The following EPS15L1 variants were observed in gnomAD, a reference collection of about 807,000 sequenced individuals.
EPS15L1 encodes the protein epidermal growth factor receptor pathway substrate 15 like 1.
EPS15L1 carries 43 observed loss-of-function variants against 117.1 expected under a neutral mutation model. The observed-to-expected ratio is 0.37, with a 90% CI of 0.29 to 0.47. The LOEUF (loss-of-function observed/expected upper bound fraction) is 0.47. EPS15L1 is among the 20% of genes least tolerant of loss of function. The pLI is 0.99. For missense variants in EPS15L1, 981 were observed against 1,164.0 expected (o/e 0.84, Z 2.29); for synonymous variants, 459 against 470.5 (o/e 0.98, Z 0.32).
intron 1 of EPS15L1, among the ~76,000 whole-genome samples, chr19:16,460,975 ATATAAAAT>A (rs2093243649): frequency 1.3e-5 from 2 of 152,184 alleles, no homozygotes; most frequent in African/African-American, 4.8e-5. Context: ...CCACTGGAAA[ATATAAAAT>A]TGAAAAGCAC....
intron 1 of EPS15L1, among the ~76,000 whole-genome samples, chr19:16,442,566 A>G (rs2093043032): frequency 6.6e-6 from 1 of 152,180 alleles, no homozygotes; most frequent in Admixed American, 6.5e-5. Context: ...AGGACACTCT[A>G]TCCTCTGAGA....
intron 8 of EPS15L1, among the ~76,000 whole-genome samples, 154 bp downstream of exon 8, chr19:16,428,543 GACAGA>G (rs374317214): frequency 0.087 from 12,256 of 140,092 alleles, 706 homozygotes; most frequent in Non-Finnish European, 0.12. Flanking sequence ...AAGGAAGAAA[GACAGA>G]AAAGAAAGGA....
chr19:16,412,283 C>T (rs145351677), intron 13 of EPS15L1, among the ~76,000 whole-genome samples: 4 of 151,912 alleles, frequency 2.6e-5, no homozygotes, highest in Admixed American at 2.0e-4. Flanking sequence ...AGGCAGATCA[C>T]GAGGTCAGGA....
chr19:16,459,235 G>A (rs1356896423), intron 1 of EPS15L1, among the ~76,000 whole-genome samples: 1 of 152,168 alleles, frequency 6.6e-6, no homozygotes, highest in Non-Finnish European at 1.5e-5. Flanking sequence ...GCAGGCCAAC[G>A]CCCTGCTCTA....
At chr19:16,356,478 A>AT (rs1337267054) in intron 23 of EPS15L1, 2 of 152,416 alleles carry the variant, frequency 1.3e-5, no homozygotes, top group Non-Finnish European at 2.9e-5. Context: ...TGCCCAGCTA[A>AT]TTTTTGTATG....
At chr19:16,373,336 G>A (rs938739341) in intron 22 of EPS15L1, among the ~76,000 whole-genome samples, 8 of 152,130 alleles carry the variant, frequency 5.3e-5, no homozygotes, top group Admixed American at 3.3e-4. Context: ...AGGGGAAGGC[G>A]GCCGTCACTG....
chr19:16,416,365 G>C (rs1003177500), intron 12 of EPS15L1, among the ~76,000 whole-genome samples: 1 of 152,154 alleles, frequency 6.6e-6, no homozygotes, highest in Non-Finnish European at 1.5e-5. Flanking sequence ...GGCTGGCACA[G>C]TGGCTCACGC....
At chr19:16,456,359 A>G (rs559150340) in intron 1 of EPS15L1, among the ~76,000 whole-genome samples, 42 of 152,328 alleles carry the variant, frequency 2.8e-4, no homozygotes, top group Non-Finnish European at 5.9e-4. Context: ...TGTGTAGGAC[A>G]GAGTCCTGGG....
intron 22 of EPS15L1, among the ~76,000 whole-genome samples, chr19:16,374,949 T>A (rs1346071533): frequency 6.6e-6 from 1 of 152,230 alleles, no homozygotes; most frequent in Non-Finnish European, 1.5e-5. Context: ...TGTTCACATG[T>A]GAATATGTGC....
At chr19:16,414,384 G>A (rs942639765) in intron 12 of EPS15L1, among the ~76,000 whole-genome samples, 28 of 152,208 alleles carry the variant, frequency 1.8e-4, no homozygotes, top group Middle Eastern at 3.4e-3. Context: ...GGACAGCCCA[G>A]GACAGCCTGT....
chr19:16,457,150 A>G (rs1244186813), intron 1 of EPS15L1, among the ~76,000 whole-genome samples: 1 of 152,190 alleles, frequency 6.6e-6, no homozygotes, highest in Non-Finnish European at 1.5e-5. Flanking sequence ...GAAGGAGGAC[A>G]TGCCAGTTCC....
intron 1 of EPS15L1, among the ~76,000 whole-genome samples, chr19:16,466,841 T>G (rs1173604733): frequency 6.6e-6 from 1 of 150,482 alleles, no homozygotes; most frequent in African/African-American, 2.5e-5. Context: ...AGGCAGAGGT[T>G]GCAGTGAGCC....
intron 1 of EPS15L1, among the ~76,000 whole-genome samples, chr19:16,460,860 C>T (rs1419423114): frequency 1.3e-5 from 2 of 152,192 alleles, no homozygotes; most frequent in Admixed American, 6.5e-5. Context: ...TCCCCATAAC[C>T]GTACAGTCCT....
At chr19:16,384,781 G>T (rs544193530) in intron 21 of EPS15L1, among the ~76,000 whole-genome samples, 3 of 152,346 alleles carry the variant, frequency 2.0e-5, no homozygotes, top group Admixed American at 1.3e-4. Flanking sequence ...CCTCGCACCT[G>T]CAGGCCTGCT....
At chr19:16,431,236 C>CA (rs370688830) in intron 7 of EPS15L1, among the ~76,000 whole-genome samples, 31,119 of 125,038 alleles carry the variant, frequency 0.25, 3,604 homozygotes, top group Non-Finnish European at 0.29. Flanking sequence ...GACTTCATCT[C>CA]AAAAAAAAAA....
In EPS15L1 at chr19:16,399,360, T is replaced by C. The variant is rs1159938249; in HGVS notation, c.1791+2961A>G. On this transcript the variant is annotated intron_variant, in intron 16 of 23. Coordinates refer to ENST00000455140, the MANE Select transcript of EPS15L1 (RefSeq NM_001258374.3). ...CATCTGCCAACTTGGGGGACACGAG[T>C]ACAGCAGACAAGGGCCAGGATGAAT... 2.6e-5 allele frequency among the ~76,000 whole-genome samples: 4 copies of C among 152,046 alleles called. No homozygotes were observed. In the East Asian group the frequency reaches 7.7e-4, roughly 29 times the overall value.
intron 13 of EPS15L1, among the ~76,000 whole-genome samples, chr19:16,407,713 G>A (rs1279903924): frequency 6.6e-6 from 1 of 152,160 alleles, no homozygotes; most frequent in Non-Finnish European, 1.5e-5. Context: ...AAACCTTGCT[G>A]GGTAATTTTT....
chr19:16,452,197 G>A (rs1365520272), intron 1 of EPS15L1, among the ~76,000 whole-genome samples: 2 of 150,254 alleles, frequency 1.3e-5, no homozygotes, highest in Non-Finnish European at 1.5e-5. Flanking sequence ...TGTCATCCCA[G>A]CACTTTGGGA....
rs1361328169 is a variant in EPS15L1, at chr19:16,381,825, C to T, written c.2247+3304G>A. ...ATGGAACATGTCCCTGGGCCTAGGG[C>T]CCGTGCGAGTCCCCCGCGGCCTGGG... On this transcript the variant is annotated intron_variant, in intron 21 of 23. Transcript: ENST00000455140. This position sits in a 1 kb window ranked among gnomAD's most constrained non-coding sequence, Gnocchi z 4.2. 3.3e-5 allele frequency among the ~76,000 whole-genome samples: 5 copies of T among 152,186 alleles called. No individual in the cohort carries two copies. The East Asian group carries it at 9.6e-4, about 29-fold the overall frequency.
Sources: gnomAD v4.1 joint callset for allele counts (sites outside exome capture counted in the v4.1 genomes callset) on GRCh38, gnomAD v4.1.1 for gene constraint, Gnocchi (gnomAD v3.1) non-coding constraint, MANE v1.5 for transcripts, NCBI Gene and HGNC (gene_info 2026-07-23, HGNC 2026-07-21) for gene names.